CLVS1: variants seen among roughly 807,000 people sequenced by gnomAD.
The protein encoded by CLVS1 is clavesin-1.
CLVS1 carries 10 observed loss-of-function variants against 33.1 expected under a neutral mutation model. The observed-to-expected ratio is 0.30, with a 90% CI of 0.19 to 0.51. The LOEUF (loss-of-function observed/expected upper bound fraction) is 0.51, where lower values mean the gene tolerates loss of function less well. Ranked by LOEUF, CLVS1 falls within the 20% of genes least tolerant of loss-of-function variation. CLVS1 has a pLI of 0.97. For missense variants in CLVS1, 343 were observed against 433.4 expected (o/e 0.79, Z 1.85); for synonymous variants, 163 against 166.1 (o/e 0.98, Z 0.14).
chr8:61,172,888 A>G (rs567087396), intron 2 of CLVS1, among the ~76,000 whole-genome samples: 5 of 152,268 alleles, frequency 3.3e-5, no homozygotes, highest in Admixed American at 6.5e-5. Context: ...GGATTTTTCC[A>G]TGAGGCATTT....
At chr8:61,244,165 G>A (rs1280239897) in intron 2 of CLVS1, among the ~76,000 whole-genome samples, 1 of 151,062 alleles carries the variant, frequency 6.6e-6, no homozygotes, top group East Asian at 1.9e-4. Context: ...GTAGGGGGCA[G>A]TGCAGTATAG....
At chr8:61,115,593 C>T (rs1414576213) in intron 1 of CLVS1, among the ~76,000 whole-genome samples, 1 of 151,510 alleles carries the variant, frequency 6.6e-6, no homozygotes, top group Non-Finnish European at 1.5e-5. Flanking sequence ...TCTCATTGTT[C>T]AATTCCCACC....
chr8:61,500,627 A>AAT lies in CLVS1; in HGVS notation c.*1086_*1087dup, dbSNP rs1804663606. The AAT allele has an allele frequency of 7.2e-6, 1 of 138,940 alleles. No individual in the cohort carries two copies. Among genetic ancestry groups the AAT allele is most frequent in the South Asian group, 2.2e-4 (1 of 4,502 alleles). The allele number at this position is 138,940 out of a possible 1,614,324, so 8.6% of individuals were successfully genotyped here. A position where few individuals can be genotyped will look rare whatever the true frequency, so the allele number is the denominator to read the frequency against. On this transcript the variant is annotated 3_prime_UTR_variant, in exon 6 of 6. Coordinates refer to ENST00000325897, the MANE Select transcript of CLVS1 (RefSeq NM_173519.3). ...AGTCCCCAACTACTCATTCAAAAGA[A>AAT]ATCAGACATAAAATAAACAGACATC... is the stretch of plus-strand genomic sequence containing the variant.
At chr8:61,043,329 A>C in the CLVS1 span, among the ~76,000 whole-genome samples, 2 of 152,376 alleles carry the variant, frequency 1.3e-5, no homozygotes, top group African/African-American at 4.8e-5. Context: ...AATCAAAAGC[A>C]GCATGGTATC....
At chr8:61,002,704 A>T in the CLVS1 span, among the ~76,000 whole-genome samples, 30 of 152,176 alleles carry the variant, frequency 2.0e-4, no homozygotes, top group African/African-American at 6.5e-4. Flanking sequence ...TGAGCCCCCT[A>T]TACTTACCAT....
chr8:61,062,484 ACGTT>A (rs1465715059), intron 1 of CLVS1, among the ~76,000 whole-genome samples: 1 of 152,142 alleles, frequency 6.6e-6, no homozygotes, highest in Non-Finnish European at 1.5e-5. Context: ...AGACCACCCT[ACGTT>A]CCTTAAAATA....
chr8:61,478,966 G>A (rs1818072760), intron 5 of CLVS1, among the ~76,000 whole-genome samples: 1 of 152,158 alleles, frequency 6.6e-6, no homozygotes, highest in African/African-American at 2.4e-5. Flanking sequence ...AGTCTGATGG[G>A]CTTCCCTTTG....
At chr8:61,109,003 C>T (rs1805584582) in intron 1 of CLVS1, among the ~76,000 whole-genome samples, 1 of 152,208 alleles carries the variant, frequency 6.6e-6, no homozygotes, top group African/African-American at 2.4e-5. Flanking sequence ...GGGATTTTTC[C>T]CATCCCCGTT....
chr8:61,121,218 C>T (rs1053864600), intron 1 of CLVS1, among the ~76,000 whole-genome samples: 1 of 152,130 alleles, frequency 6.6e-6, no homozygotes, highest in Non-Finnish European at 1.5e-5. Flanking sequence ...GGCAATGCCT[C>T]GCCCTGCTTC....
the CLVS1 span, among the ~76,000 whole-genome samples, chr8:61,021,349 T>A: frequency 2.0e-5 from 3 of 151,996 alleles, no homozygotes; most frequent in East Asian, 5.8e-4. Flanking sequence ...TGTGTTTTGT[T>A]TGTTTGTTTG....
intron 3 of CLVS1, among the ~76,000 whole-genome samples, chr8:61,395,100 A>G (rs1202819293): frequency 6.6e-6 from 1 of 152,220 alleles, no homozygotes. Context: ...AATTTGGTAT[A>G]TAGACACAAA....
the CLVS1 span, among the ~76,000 whole-genome samples, chr8:60,980,435 A>G: frequency 6.6e-6 from 1 of 152,314 alleles, no homozygotes; most frequent in Admixed American, 6.5e-5. Flanking sequence ...TAGTGGGTTC[A>G]ATGCTGGCCC....
chr8:61,272,595 A>G (rs1017993169), intron 2 of CLVS1, among the ~76,000 whole-genome samples: 86 of 152,198 alleles, frequency 5.7e-4, no homozygotes, highest in Non-Finnish European at 1.1e-3. Flanking sequence ...GTGCTTTCCA[A>G]CTTGGTTCCA....
chr8:61,110,980 G>T (rs1303717128), intron 1 of CLVS1, among the ~76,000 whole-genome samples: 1 of 152,100 alleles, frequency 6.6e-6, no homozygotes, highest in African/African-American at 2.4e-5. Flanking sequence ...GGCTATTGTG[G>T]ATAATGTTGC....
At chr8:61,269,476 CT>C (rs1809386049) in intron 2 of CLVS1, among the ~76,000 whole-genome samples, 1 of 151,984 alleles carries the variant, frequency 6.6e-6, no homozygotes, top group Non-Finnish European at 1.5e-5. Context: ...GTTCTTTTGG[CT>C]TAGGATTGAC....
chr8:61,086,159 A>G (rs1193880081), intron 1 of CLVS1, among the ~76,000 whole-genome samples: 1 of 148,634 alleles, frequency 6.7e-6, no homozygotes, highest in South Asian at 2.2e-4. Context: ...CCCGGGAGGC[A>G]GAGGTTGCAG....
chr8:61,008,815 G>A, the CLVS1 span, among the ~76,000 whole-genome samples: 1 of 152,124 alleles, frequency 6.6e-6, no homozygotes, highest in South Asian at 2.1e-4. Flanking sequence ...ATGCTTCCCA[G>A]GAATAGAAGT....
chr8:61,124,461 T>A (rs528066995), intron 1 of CLVS1, among the ~76,000 whole-genome samples: 83 of 152,350 alleles, frequency 5.4e-4, no homozygotes, highest in African/African-American at 1.9e-3. Flanking sequence ...CAGAGCACGC[T>A]ATTGTTTTAT....
chr8:61,216,644 G>A (rs889008086), intron 2 of CLVS1, among the ~76,000 whole-genome samples: 2 of 152,186 alleles, frequency 1.3e-5, no homozygotes, highest in Non-Finnish European at 2.9e-5. Flanking sequence ...ATCCAGGGCA[G>A]TGAAAAAATA....
Sources: allele counts gnomAD v4.1 joint callset (sites outside exome capture counted in the v4.1 genomes callset), GRCh38; gene constraint gnomAD v4.1.1; transcripts MANE v1.5; gene names NCBI Gene and HGNC (gene_info 2026-07-23, HGNC 2026-07-21).